The following COL6A6 variants were observed in gnomAD, a reference collection of about 807,000 sequenced individuals.
COL6A6 encodes collagen type VI alpha 6 chain.
In COL6A6, 183 loss-of-function variants were observed where a neutral mutation model predicts 208.6. That is an observed-to-expected ratio of 0.88 (90% CI 0.78 to 0.99). COL6A6 has a LOEUF of 0.99. Ranked by LOEUF, COL6A6 falls within the 50% of genes least tolerant of loss-of-function variation. The pLI, the probability that COL6A6 is intolerant of heterozygous loss-of-function variation, is 0.00. For synonymous variants in COL6A6, 973 were observed against 1,011.8 expected (o/e 0.96, Z 0.73); for missense variants, 2,816 against 2,815.2 (o/e 1.00, Z -0.01).
intron 25 of COL6A6, 98 bp downstream of exon 25, chr3:130,626,645 C>A: frequency 1.2e-6 from 1 of 830,098 alleles, no homozygotes; most frequent in Non-Finnish European, 2.1e-6. Context: ...AGGATACAAT[C>A]CTCATGAAGT....
chr3:130,585,611 C>T (rs1392196404), intron 10 of COL6A6, among the ~76,000 whole-genome samples: 1 of 152,164 alleles, frequency 6.6e-6, no homozygotes, highest in Non-Finnish European at 1.5e-5. Flanking sequence ...TGGTCCTTAA[C>T]CAACAGTTTT....
rs1374102305 is a variant in COL6A6, at chr3:130,599,741, T to G, written c.4600-16T>G. The G allele has an allele frequency of 3.1e-6, 5 of 1,613,442 alleles. No homozygotes were observed. Among genetic ancestry groups the G allele is most frequent in the Non-Finnish European group, 4.2e-6 (5 of 1,179,572 alleles). The stretch of plus-strand genomic sequence containing the variant: ...CTGCATAATTACCGTCACACATCTG[T>G]CTGTTCCTTTGACAGGGCAGAAGAG... On this transcript the variant is annotated splice_polypyrimidine_tract_variant and intron_variant, in intron 19 of 36. Transcript: ENST00000358511.
intron 11 of COL6A6, among the ~76,000 whole-genome samples, chr3:130,588,193 A>G (rs2063584610): frequency 2.0e-5 from 3 of 152,248 alleles, no homozygotes; most frequent in Admixed American, 1.3e-4. Context: ...GGAACATTAT[A>G]TAGTAGGAAA....
chr3:130,604,383 T>C (rs2064116181), intron 20 of COL6A6, among the ~76,000 whole-genome samples: 1 of 151,706 alleles, frequency 6.6e-6, no homozygotes, highest in South Asian at 2.1e-4. Context: ...TAGTCCCAGC[T>C]ACTCGGGAGG....
chr3:130,533,781 C>A (rs1338792165), intron 1 of COL6A6, among the ~76,000 whole-genome samples: 1 of 152,182 alleles, frequency 6.6e-6, no homozygotes, highest in Admixed American at 6.5e-5. Context: ...GACTTCTTCC[C>A]TAAGCCTCTC....
rs1169331181 is a variant in COL6A6, at chr3:130,590,290, TATATATATA to T, written c.4219-750_4219-742del. Among the ~76,000 whole-genome samples the T allele has an allele frequency of 1.1e-3, 29 of 25,552 alleles. 1 individual carries two copies. The highest frequency in any genetic ancestry group is 4.9e-3 in the African/African-American group (25 of 5,100). The allele number at this position is 25,552 out of a possible 152,430, so 16.8% of individuals were successfully genotyped here. On this transcript the variant is annotated intron_variant, in intron 12 of 36. Coordinates refer to ENST00000358511, the MANE Select transcript of COL6A6 (RefSeq NM_001102608.3). ...ATATATATATATATATATATATATA[TATATATATA>T]TTTTTTTTTTTTTTTTTTTTTTTTT... is the stretch of plus-strand genomic sequence containing the variant.
At chr3:130,654,369 A>G (rs1467594078) in intron 33 of COL6A6, among the ~76,000 whole-genome samples, 1 of 152,152 alleles carries the variant, frequency 6.6e-6, no homozygotes. Context: ...AGTCTGAGCT[A>G]TGCTGTCTGA....
Position 130,565,474 on chromosome 3 carries a change from AC to A in COL6A6, c.1145del (p.Pro382LeufsTer9). 1 of 1,614,002 alleles carries A rather than the reference AC, an allele frequency of 6.2e-7. No homozygotes were observed. Among genetic ancestry groups the A allele is most frequent in the Non-Finnish European group, 8.5e-7 (1 of 1,179,878 alleles). ...SDTQLEKIAS[H>X]PAEQYVSKLK... Reference sequence around the variant, plus strand: ...ACCCAGTTGGAAAAGATAGCATCCCACCCTGCTGAGCAGTATGTCTCCAAAC... The same window carrying A: ...ACCCAGTTGGAAAAGATAGCATCCCACCTGCTGAGCAGTATGTCTCCAAAC... On this transcript the variant is annotated frameshift_variant, in exon 4 of 37. Transcript: ENST00000358511. LOFTEE classifies it high-confidence loss of function.
chr3:130,663,280 G>A (rs560405140), intron 35 of COL6A6, among the ~76,000 whole-genome samples: 1 of 152,162 alleles, frequency 6.6e-6, no homozygotes, highest in Non-Finnish European at 1.5e-5. Context: ...TCTAGAACCA[G>A]TAGTACCAGT....
chr3:130,626,399 A>T, intron 24 of COL6A6, 86 bp from the exon 25 acceptor site: 1 of 968,850 alleles, frequency 1.0e-6, no homozygotes, highest in Non-Finnish European at 1.7e-6. Context: ...GCACAAACCC[A>T]TTGTTGTGTG....
In COL6A6 at chr3:130,568,412, A is replaced by T; in HGVS notation, c.2209A>T (p.Ile737Leu). The T allele has an allele frequency of 6.2e-7, 1 of 1,614,022 alleles. No homozygotes were observed. The highest frequency in any genetic ancestry group is 1.1e-5 in the South Asian group (1 of 91,078). ...CATCACGGATGGTGAAGCTCAGGAC[A>T]TAGTAAAGGAACCAGCAGTAGTGCT... Reference protein sequence around the residue: ...ILITDGEAQDIVKEPAVVLRQ... With the variant: ...ILITDGEAQDLVKEPAVVLRQ... The change falls in exon 6 of 37, where the codon ATA (isoleucine) becomes TTA (leucine). Residue 737 changes from isoleucine to leucine, a missense_variant. Transcript: ENST00000358511.
At chr3:130,593,922 G>A (rs2063783260) in intron 17 of COL6A6, among the ~76,000 whole-genome samples, 1 of 152,100 alleles carries the variant, frequency 6.6e-6, no homozygotes, top group Non-Finnish European at 1.5e-5. Context: ...TCTTTAGAGT[G>A]TGAACAATTG....
intron 36 of COL6A6, among the ~76,000 whole-genome samples, chr3:130,669,325 G>A (rs1214442342): frequency 6.6e-6 from 1 of 152,082 alleles, no homozygotes; most frequent in East Asian, 1.9e-4. Flanking sequence ...AACTCAGGAG[G>A]TAGAGGTTGC....
At chr3:130,606,843 G>C in intron 20 of COL6A6, 88 bp from the exon 21 acceptor site, 2 of 958,666 alleles carry the variant, frequency 2.1e-6, no homozygotes, top group Non-Finnish European at 3.1e-6. Context: ...ATGTATGTTG[G>C]TGCCTTAAAG....
rs565311234 is a variant in COL6A6, at chr3:130,602,812, A to G, written c.4653+3002A>G. 6.6e-5 allele frequency among the ~76,000 whole-genome samples: 10 copies of G among 152,336 alleles called. No homozygotes were observed. In the South Asian group the frequency reaches 2.1e-3, roughly 32 times the overall value. ...GATGTCAGGAATCATGATTAACATA[A>G]TATTTCTAGATGGAGGAGTTGGGTG... On this transcript the variant is annotated intron_variant, in intron 20 of 36. Transcript: ENST00000358511.
rs568193989 is a variant in COL6A6, at chr3:130,546,647, T to C, written c.-31-13687T>C. ...TTGATCCATTTTGACAGGGTGCTGATTGGTGCATTTACAATCCTCTAGCTA... is the reference window on the plus strand; with the variant it reads ...TTGATCCATTTTGACAGGGTGCTGACTGGTGCATTTACAATCCTCTAGCTA... On this transcript the variant is annotated intron_variant, in intron 1 of 36. Coordinates refer to ENST00000358511, the MANE Select transcript of COL6A6 (RefSeq NM_001102608.3). 2.6e-5 allele frequency among the ~76,000 whole-genome samples: 4 copies of C among 152,310 alleles called. No individual in the cohort carries two copies. The East Asian group carries it at 5.8e-4, about 22-fold the overall frequency.
Position 130,571,178 on chromosome 3 carries a change from G to A in COL6A6, c.2762G>A (p.Gly921Glu). The A allele has an allele frequency of 6.2e-7, 1 of 1,613,510 alleles. No homozygotes were observed. The highest frequency in any genetic ancestry group is 1.1e-5 in the South Asian group (1 of 90,966). Reference protein sequence around the residue: ...VPQVLIVITDGESHDADKLNA... With the variant: ...VPQVLIVITDEESHDADKLNA... ...CAAGTCCTCATTGTGATCACCGATGGGGAATCCCATGATGCTGATAAACTC... is the reference window on the plus strand; with the variant it reads ...CAAGTCCTCATTGTGATCACCGATGAGGAATCCCATGATGCTGATAAACTC... Residue 921 changes from glycine (G) to glutamate (E), a missense_variant, in exon 7 of 37, where the codon GGG becomes GAG. Physicochemically the swap from Gly to Glu is moderately conservative, Grantham distance 98. Transcript: ENST00000358511.
chr3:130,634,554 T>G (rs187987637), intron 26 of COL6A6, 36 bp from the exon 27 acceptor site: 61 of 1,576,438 alleles, frequency 3.9e-5, no homozygotes, highest in Non-Finnish European at 5.2e-5. Flanking sequence ...TTGGGTGATG[T>G]GTGCCTGTAT....
At chr3:130,627,861 G>C (rs1225365324) in intron 26 of COL6A6, among the ~76,000 whole-genome samples, 1 of 152,188 alleles carries the variant, frequency 6.6e-6, no homozygotes, top group Non-Finnish European at 1.5e-5. Context: ...TGAGGGATAA[G>C]TTTACCAAGA....
Sources: gnomAD v4.1 joint callset for allele counts (sites outside exome capture counted in the v4.1 genomes callset) on GRCh38, gnomAD v4.1.1 for gene constraint, MANE v1.5 for transcripts, NCBI Gene and HGNC (gene_info 2026-07-23, HGNC 2026-07-21) for gene names.